Variants in FASTKD2 observed in about 807,000 individuals in gnomAD.
The protein encoded by FASTKD2 is FAST kinase domain-containing protein 2, mitochondrial.
In FASTKD2, 51 loss-of-function variants were observed where a neutral mutation model predicts 63.6. The observed-to-expected ratio is 0.80, with a 90% CI of 0.64 to 1.01. The LOEUF is 1.01. Ranked by LOEUF, FASTKD2 falls within the 50% of genes least tolerant of loss-of-function variation. FASTKD2 has a pLI of 0.00. For missense variants in FASTKD2, 786 were observed against 831.1 expected (o/e 0.95, Z 0.67); for synonymous variants, 284 against 293.4 (o/e 0.97, Z 0.33).
chr2:206,790,582 C>G lies in FASTKD2; in HGVS notation c.1909C>G (p.Leu637Val). The change falls in exon 11 of 12, where the codon CTA (leucine) becomes GTA (valine). Residue 637 changes from leucine to valine, a missense_variant. By Grantham distance (32) the Leu-to-Val change is conservative. Coordinates refer to ENST00000402774, the MANE Select transcript of FASTKD2 (RefSeq NM_001136193.2). ...TATTTTTGTTTTCAGAGTAGCTGTG[C>G]TATGTGTTTCCAGATCTGCTTATTG... is the stretch of plus-strand genomic sequence containing the variant. ...SATDIQRVAV[L>V]CVSRSAYCLG... The G allele has an allele frequency of 6.3e-7, 1 of 1,592,736 alleles. No homozygotes were observed. Among genetic ancestry groups the G allele is most frequent in the Non-Finnish European group, 8.6e-7 (1 of 1,160,830 alleles).
chr2:206,785,771 A>G (rs1690122803), intron 7 of FASTKD2, among the ~76,000 whole-genome samples: 3 of 152,106 alleles, frequency 2.0e-5, no homozygotes, highest in African/African-American at 7.2e-5. Context: ...TGGCCTTATC[A>G]CAGCCCTTCA....
rs1559367356 is a variant in FASTKD2, at chr2:206,790,611, G to A, written c.1938G>A (p.Leu646=). 1.2e-6 allele frequency: 2 copies of A among 1,612,948 alleles called. No homozygotes were observed. The highest frequency in any genetic ancestry group is 2.2e-5 in the South Asian group (2 of 91,054). ...GTGTTTCCAGATCTGCTTATTGTTTGGGTTCAAGCCACCCCAGAGGATTCC... is the reference window on the plus strand; with the variant it reads ...GTGTTTCCAGATCTGCTTATTGTTTAGGTTCAAGCCACCCCAGAGGATTCC... The part of the protein sequence containing the change: ...VLCVSRSAYC[L]GSSHPRGFLA... The change falls in exon 11 of 12, where the codon TTG becomes TTA. Residue 646 remains leucine, a synonymous_variant. Coordinates refer to ENST00000402774, the MANE Select transcript of FASTKD2 (RefSeq NM_001136193.2).
chr2:206,767,899 T>C (rs1035101681), intron 2 of FASTKD2, among the ~76,000 whole-genome samples: 6 of 152,194 alleles, frequency 3.9e-5, no homozygotes, highest in African/African-American at 7.2e-5. Context: ...GTAGAGAGGA[T>C]TGCATGCCCT....
At chr2:206,783,511 C>T (rs1336550416) in intron 7 of FASTKD2, among the ~76,000 whole-genome samples, 1 of 151,962 alleles carries the variant, frequency 6.6e-6, no homozygotes, top group African/African-American at 2.4e-5. Context: ...AGGCTGGCTC[C>T]CATTGATGCC....
chr2:206,768,328 G>A (rs940302894), intron 2 of FASTKD2, among the ~76,000 whole-genome samples: 1 of 152,192 alleles, frequency 6.6e-6, no homozygotes, highest in Admixed American at 6.5e-5. Context: ...GGTGCCAAAT[G>A]TAAGGAAGGA....
chr2:206,790,347 T>A, intron 10 of FASTKD2: 1 of 462,562 alleles, frequency 2.2e-6, no homozygotes, highest in Admixed American at 3.4e-5. Flanking sequence ...TAAAGGGAAC[T>A]GAGAGGTAAC....
chr2:206,781,307 T>TC (rs1283667345), intron 7 of FASTKD2, among the ~76,000 whole-genome samples: 2 of 105,674 alleles, frequency 1.9e-5, no homozygotes, highest in African/African-American at 5.4e-5. Context: ...TTCTATGATT[T>TC]TTTTTTTTTT....
Position 206,766,679 on chromosome 2 carries a change from A to G in FASTKD2, c.-15A>G, listed in dbSNP as rs886055505. ...GCACGTGTTCTTTTTCACTAGTAGA[A>G]GTGACGTTGGTTTCATGTTGACAAC... On this transcript the variant is annotated 5_prime_UTR_variant, in exon 2 of 12. Coordinates refer to ENST00000402774, the MANE Select transcript of FASTKD2 (RefSeq NM_001136193.2). 2.5e-6 allele frequency: 4 copies of G among 1,612,088 alleles called. No individual in the cohort carries two copies. The highest frequency in any genetic ancestry group is 3.4e-6 in the Non-Finnish European group (4 of 1,178,172).
Position 206,786,771 on chromosome 2 carries a change from A to G in FASTKD2, c.1466A>G (p.Tyr489Cys), listed in dbSNP as rs757097256. Reference sequence around the variant, plus strand: ...GTTATGGCTAGTGCTCTGACTGGTTATCTTCACACTATTTCTTCTGAAAAC... The same window carrying G: ...GTTATGGCTAGTGCTCTGACTGGTTGTCTTCACACTATTTCTTCTGAAAAC... ...VEVMASALTG[Y>C]LHTISSENLL... Residue 489 changes from tyrosine to cysteine, a missense_variant, in exon 8 of 12, where the codon TAT (tyrosine) becomes TGT (cysteine). By Grantham distance (194) the Tyr-to-Cys change is radical. Coordinates refer to ENST00000402774, the MANE Select transcript of FASTKD2 (RefSeq NM_001136193.2). The G allele has an allele frequency of 1.9e-6, 3 of 1,613,776 alleles. No homozygotes were observed. Among genetic ancestry groups the G allele is most frequent in the African/African-American group, 1.3e-5 (1 of 74,898 alleles).
chr2:206,780,478 G>T (rs751701985), intron 7 of FASTKD2, among the ~76,000 whole-genome samples: 1 of 152,170 alleles, frequency 6.6e-6, no homozygotes, highest in Non-Finnish European at 1.5e-5. Context: ...TCTGATGGGG[G>T]CTCCCTTGTA....
At position 206,788,120 on chromosome 2, in the gene FASTKD2, C is replaced by A; in HGVS notation, c.1778C>A (p.Ser593Ter). The part of the protein sequence containing the change: ...SSLLGGEGHF[S>*]KDVHLPHNYH... ...CTTCTGGGAGGTGAAGGACACTTCT[C>A]AAAGGATGTGCACTTGCCACACAAT... The change falls in exon 9 of 12, where the codon TCA becomes TAA. Residue 593 changes from serine (S) to a stop codon, truncating the protein, a stop_gained. Coordinates refer to ENST00000402774, the MANE Select transcript of FASTKD2 (RefSeq NM_001136193.2). LOFTEE classifies it high-confidence loss of function. 6.2e-7 allele frequency: 1 copy of A among 1,610,308 alleles called. No individual in the cohort carries two copies. Among genetic ancestry groups the A allele is most frequent in the Non-Finnish European group, 8.5e-7 (1 of 1,177,670 alleles).
chr2:206,785,483 G>T (rs1455677206), intron 7 of FASTKD2, among the ~76,000 whole-genome samples: 1 of 152,104 alleles, frequency 6.6e-6, no homozygotes, highest in Non-Finnish European at 1.5e-5. Flanking sequence ...CCCTCTATAT[G>T]CAAGACCTGG....
At chr2:206,786,957 C>G in intron 8 of FASTKD2, 58 bp downstream of exon 8, 2 of 998,898 alleles carry the variant, frequency 2.0e-6, no homozygotes, top group Admixed American at 3.9e-5. Context: ...CTACCACTAG[C>G]TACCATATGA....
At position 206,795,199 on chromosome 2, in the gene FASTKD2, G is replaced by C. The variant is rs1347096800; in HGVS notation, c.*3397G>C. ...ACCTAGGTGTGGAGCTTCCTGGCCA[G>C]GAGGGCAGTGGCTGCCCAGAAGGCA... On this transcript the variant is annotated 3_prime_UTR_variant, in exon 12 of 12. Coordinates refer to ENST00000402774, the MANE Select transcript of FASTKD2 (RefSeq NM_001136193.2). Among the ~76,000 whole-genome samples, 1 of 152,238 alleles carries C rather than the reference G, an allele frequency of 6.6e-6. No individual in the cohort carries two copies. The highest frequency in any genetic ancestry group is 1.9e-4 in the East Asian group (1 of 5,194).
At chr2:206,766,533 GT>G in intron 1 of FASTKD2, 110 bp from the exon 2 acceptor site, 1 of 668,170 alleles carries the variant, frequency 1.5e-6, no homozygotes, top group Non-Finnish European at 2.6e-6. Context: ...TTATGTAAAT[GT>G]TTAATGGCTC....
At chr2:206,791,026 A>G (rs1035482166) in intron 11 of FASTKD2, 2 of 304,220 alleles carry the variant, frequency 6.6e-6, no homozygotes, top group Non-Finnish European at 1.3e-5. Flanking sequence ...AGGGAAGGAA[A>G]GATGTTAAAG....
intron 2 of FASTKD2, among the ~76,000 whole-genome samples, chr2:206,768,504 C>T (rs1689584529): frequency 6.6e-6 from 1 of 152,092 alleles, no homozygotes; most frequent in South Asian, 2.1e-4. Flanking sequence ...AGTTTGCGAC[C>T]AGCCTGGGCA....
At chr2:206,767,996 TTGAG>T (rs1399806960) in intron 2 of FASTKD2, among the ~76,000 whole-genome samples, 1 of 152,144 alleles carries the variant, frequency 6.6e-6, no homozygotes, top group African/African-American at 2.4e-5. Context: ...AGTTGTATGT[TTGAG>T]TGGGTGGGAA....
chr2:206,766,214 C>G (rs1054938287), intron 1 of FASTKD2, among the ~76,000 whole-genome samples: 8 of 136,158 alleles, frequency 5.9e-5, no homozygotes, highest in Admixed American at 5.7e-4. Flanking sequence ...GAGCCAAGAT[C>G]GCGCCACTGC....
Sources: gnomAD v4.1 joint callset for allele counts (sites outside exome capture counted in the v4.1 genomes callset) on GRCh38, gnomAD v4.1.1 for gene constraint, MANE v1.5 for transcripts, NCBI Gene and HGNC (gene_info 2026-07-23, HGNC 2026-07-21) for gene names.